The following RIGI variants were observed in gnomAD, a reference collection of about 807,000 sequenced individuals.
RIGI encodes the protein antiviral innate immune response receptor RIG-I.
chr9:32,479,829 T>C, the RIGI span, among the ~76,000 whole-genome samples: 1 of 135,750 alleles, frequency 7.4e-6, no homozygotes, highest in African/African-American at 2.7e-5. Context: ...AAAGCAAGAC[T>C]CCATCTCAAA....
the RIGI span, among the ~76,000 whole-genome samples, chr9:32,469,535 G>A: frequency 2.0e-5 from 3 of 152,130 alleles, no homozygotes; most frequent in Non-Finnish European, 2.9e-5. Flanking sequence ...CACAAAGCCC[G>A]AGTGCACTTC....
the RIGI span, among the ~76,000 whole-genome samples, chr9:32,469,016 T>C: frequency 3.3e-5 from 5 of 152,172 alleles, no homozygotes; most frequent in Non-Finnish European, 7.4e-5. Context: ...CCCCTAAAAA[T>C]TGTCCATGTT....
At chr9:32,506,675 A>G in the RIGI span, among the ~76,000 whole-genome samples, 1 of 152,234 alleles carries the variant, frequency 6.6e-6, no homozygotes, top group African/African-American at 2.4e-5. Context: ...TCCAGTAGAT[A>G]AAAATGCGTG....
At chr9:32,475,784 C>G in the RIGI span, among the ~76,000 whole-genome samples, 1 of 152,014 alleles carries the variant, frequency 6.6e-6, no homozygotes, top group Non-Finnish European at 1.5e-5. Flanking sequence ...AATACCACCA[C>G]AGGCAAAAAC....
the RIGI span, among the ~76,000 whole-genome samples, chr9:32,470,514 A>AT: frequency 2.0e-5 from 3 of 152,030 alleles, no homozygotes; most frequent in Non-Finnish European, 4.4e-5. Flanking sequence ...TATTCTTTTG[A>AT]TTTTTTTTCA....
chr9:32,486,580 A>C, the RIGI span, among the ~76,000 whole-genome samples: 1 of 151,998 alleles, frequency 6.6e-6, no homozygotes, highest in African/African-American at 2.4e-5. Flanking sequence ...GAAGAAAGCA[A>C]GAGTAGTCAT....
chr9:32,501,423 T>C, the RIGI span, among the ~76,000 whole-genome samples: 1 of 152,042 alleles, frequency 6.6e-6, no homozygotes, highest in African/African-American at 2.4e-5. Flanking sequence ...GAGGATCACT[T>C]GAACCAAGGA....
chr9:32,475,923 G>A, the RIGI span, among the ~76,000 whole-genome samples: 1 of 152,066 alleles, frequency 6.6e-6, no homozygotes, highest in Non-Finnish European at 1.5e-5. Context: ...TCACATTTCT[G>A]ACAGAGGACT....
chr9:32,490,719 A>G, the RIGI span, among the ~76,000 whole-genome samples: 1 of 152,234 alleles, frequency 6.6e-6, no homozygotes, highest in Non-Finnish European at 1.5e-5. Context: ...TTTGAGAAGC[A>G]TAAGGGGGCC....
chr9:32,481,553 G>A, the RIGI span: 2 of 1,248,514 alleles, frequency 1.6e-6, no homozygotes, highest in Non-Finnish European at 2.2e-6. Context: ...GTCATTTAGG[G>A]TTATAAACAG....
At chr9:32,473,041 T>TA in the RIGI span, 1 of 1,610,412 alleles carries the variant, frequency 6.2e-7, no homozygotes, top group Non-Finnish European at 8.5e-7. Context: ...AGTTTAGGAT[T>TA]TCCTTCAATC....
the RIGI span, among the ~76,000 whole-genome samples, chr9:32,460,437 T>C: frequency 1.3e-5 from 2 of 152,014 alleles, no homozygotes; most frequent in South Asian, 2.1e-4. Flanking sequence ...ATGGACATGA[T>C]ATTATAAAAC....
At chr9:32,513,894 C>T in the RIGI span, among the ~76,000 whole-genome samples, 1 of 151,944 alleles carries the variant, frequency 6.6e-6, no homozygotes, top group South Asian at 2.1e-4. Context: ...AAGAAACAAC[C>T]CCATCAAAAA....
chr9:32,485,317 G>T, the RIGI span: 4 of 1,403,198 alleles, frequency 2.9e-6, no homozygotes, highest in Non-Finnish European at 3.9e-6. Context: ...GAAAAAAAGA[G>T]TGAGTATATT....
chr9:32,526,182 C>T, the RIGI span: 10 of 1,603,772 alleles, frequency 6.2e-6, no homozygotes, highest in South Asian at 1.1e-5. Flanking sequence ...CCTCTGCTTG[C>T]AGCTAGCTAC....
At chr9:32,519,684 C>T in the RIGI span, among the ~76,000 whole-genome samples, 12 of 152,100 alleles carry the variant, frequency 7.9e-5, no homozygotes, top group East Asian at 9.7e-4. Flanking sequence ...TCTTAATATT[C>T]AGAAAAAAAT....
chr9:32,495,325 CTGAGTAGCTGGGATT>C, the RIGI span, among the ~76,000 whole-genome samples: 1 of 151,998 alleles, frequency 6.6e-6, no homozygotes, highest in Non-Finnish European at 1.5e-5. Context: ...CCTCAGCCTC[CTGAGTAGCTGGGATT>C]ACAGGCACCC....
At chr9:32,463,392 T>C in the RIGI span, among the ~76,000 whole-genome samples, 2 of 152,244 alleles carry the variant, frequency 1.3e-5, no homozygotes, top group Non-Finnish European at 2.9e-5. Flanking sequence ...TTAATTTCTT[T>C]TTCAGATATG....
At chr9:32,525,669 T>C in the RIGI span, among the ~76,000 whole-genome samples, 1 of 152,248 alleles carries the variant, frequency 6.6e-6, no homozygotes, top group African/African-American at 2.4e-5. Flanking sequence ...TGTAATTATC[T>C]GCCCTTTGTG....
Sources: gnomAD v4.1 joint callset for allele counts (sites outside exome capture counted in the v4.1 genomes callset) on GRCh38, gnomAD v4.1.1 for gene constraint, MANE v1.5 for transcripts, NCBI Gene and HGNC (gene_info 2026-07-23, HGNC 2026-07-21) for gene names.